Variants in CACHD1 observed in about 807,000 individuals in gnomAD.
CACHD1 encodes the protein cache domain containing 1.
In CACHD1, 71 loss-of-function variants were observed where a neutral mutation model predicts 138.7. The ratio of observed to expected loss-of-function variants is 0.51; its 90% confidence interval spans 0.42 to 0.62. CACHD1 has a LOEUF of 0.62. Ranked by LOEUF, CACHD1 falls within the 20% of genes least tolerant of loss-of-function variation. The pLI is 0.00. For missense variants in CACHD1, 1,389 were observed against 1,625.3 expected (o/e 0.85, Z 2.50); for synonymous variants, 578 against 591.5 (o/e 0.98, Z 0.33).
intron 9 of CACHD1, among the ~76,000 whole-genome samples, chr1:64,648,658 C>T (rs1648989328): frequency 6.6e-6 from 1 of 151,926 alleles, no homozygotes; most frequent in African/African-American, 2.4e-5. Context: ...TGTATTTTAC[C>T]TTTGTTGTTA....
intron 4 of CACHD1, among the ~76,000 whole-genome samples, chr1:64,609,528 C>T (rs1215023266): frequency 6.6e-6 from 1 of 152,152 alleles, no homozygotes; most frequent in Non-Finnish European, 1.5e-5. Flanking sequence ...TCTTTACCTG[C>T]TTCCCCCTTC....
chr1:64,559,825 A>AATAG (rs1389247470), intron 2 of CACHD1, among the ~76,000 whole-genome samples: 1 of 152,140 alleles, frequency 6.6e-6, no homozygotes, highest in East Asian at 1.9e-4. Context: ...CAGTTTCTTT[A>AATAG]ATAGATATAG....
intron 1 of CACHD1, among the ~76,000 whole-genome samples, chr1:64,535,707 A>G (rs145343938): frequency 1.3e-5 from 2 of 152,250 alleles, no homozygotes; most frequent in East Asian, 3.9e-4. Flanking sequence ...AAATGTCTCC[A>G]TTTGAAACGT....
chr1:64,686,599 T>C (rs979560842), intron 26 of CACHD1, among the ~76,000 whole-genome samples: 1 of 152,200 alleles, frequency 6.6e-6, no homozygotes. Context: ...CAACTATCTA[T>C]CTGCTTTGCC....
chr1:64,541,385 ATT>A (rs10709107), intron 1 of CACHD1, among the ~76,000 whole-genome samples: 1 of 152,164 alleles, frequency 6.6e-6, no homozygotes, highest in Non-Finnish European at 1.5e-5. Context: ...TCAGATACAG[ATT>A]TTTTTCCCTT....
Position 64,641,983 on chromosome 1 carries a change from C to T in CACHD1, c.1156+14C>T. On this transcript the variant is annotated intron_variant, in intron 8 of 26. Transcript: ENST00000651257. The stretch of plus-strand genomic sequence containing the variant: ...CCCTCATGAACGGTAGGTAGAGTTT[C>T]AAGATATTCCTTTCAGATCAAAGAT... The T allele has an allele frequency of 6.5e-7, 1 of 1,535,244 alleles. No individual in the cohort carries two copies. The highest frequency in any genetic ancestry group is 2.4e-5 in the East Asian group (1 of 41,428).
chr1:64,527,263 A>G (rs1646548218), intron 1 of CACHD1, among the ~76,000 whole-genome samples: 1 of 152,212 alleles, frequency 6.6e-6, no homozygotes, highest in Admixed American at 6.5e-5. Flanking sequence ...AGGACACCCC[A>G]GATCATTCAG....
intron 24 of CACHD1, among the ~76,000 whole-genome samples, chr1:64,680,487 GA>G (rs111606474): frequency 0.036 from 5,178 of 142,208 alleles, 245 homozygotes; most frequent in African/African-American, 0.12. Flanking sequence ...GACTCCATCT[GA>G]AAAAAAAAAA....
At chr1:64,476,417 C>T (rs1442934288) in intron 1 of CACHD1, among the ~76,000 whole-genome samples, 4 of 152,148 alleles carry the variant, frequency 2.6e-5, no homozygotes, top group Non-Finnish European at 4.4e-5. Context: ...CATAACAGGA[C>T]AGGGCTGGTT....
chr1:64,689,244 C>T (rs1204735052), intron 26 of CACHD1, among the ~76,000 whole-genome samples: 1 of 152,228 alleles, frequency 6.6e-6, no homozygotes, highest in African/African-American at 2.4e-5. Flanking sequence ...GACATCTCCA[C>T]ATATGTGACC....
chr1:64,519,200 A>G (rs933132145), intron 1 of CACHD1, among the ~76,000 whole-genome samples: 2 of 152,178 alleles, frequency 1.3e-5, no homozygotes, highest in African/African-American at 4.8e-5. Flanking sequence ...AATCTCTGGG[A>G]GACAGTAATA....
intron 16 of CACHD1, among the ~76,000 whole-genome samples, chr1:64,670,004 T>C (rs971288402): frequency 3.3e-5 from 5 of 152,232 alleles, no homozygotes; most frequent in Non-Finnish European, 7.3e-5. Context: ...ATTTATAAAA[T>C]GGGAACTATG....
chr1:64,534,112 T>C (rs574228093), intron 1 of CACHD1, among the ~76,000 whole-genome samples: 6 of 150,924 alleles, frequency 4.0e-5, no homozygotes, highest in African/African-American at 1.2e-4. Flanking sequence ...GGCATGTTCT[T>C]GGCTCACTGC....
At chr1:64,558,569 A>T (rs1270245351) in intron 2 of CACHD1, among the ~76,000 whole-genome samples, 1 of 152,228 alleles carries the variant, frequency 6.6e-6, no homozygotes, top group Admixed American at 6.5e-5. Flanking sequence ...AGCAATAACC[A>T]TCCTGGACAT....
chr1:64,605,725 G>A (rs1393253499), intron 4 of CACHD1, among the ~76,000 whole-genome samples: 5 of 152,192 alleles, frequency 3.3e-5, no homozygotes, highest in Admixed American at 1.3e-4. Context: ...AGATCTTGGA[G>A]GATCTGGAGG....
intron 8 of CACHD1, among the ~76,000 whole-genome samples, chr1:64,647,178 T>A (rs1177876949): frequency 6.6e-6 from 1 of 151,668 alleles, no homozygotes; most frequent in Non-Finnish European, 1.5e-5. Flanking sequence ...ACCCTCTAAA[T>A]GTAAAAAAAT....
chr1:64,532,506 G>T (rs1469026502), intron 1 of CACHD1, among the ~76,000 whole-genome samples: 1 of 152,124 alleles, frequency 6.6e-6, no homozygotes, highest in Admixed American at 6.5e-5. Context: ...ATCCCAAGGA[G>T]ATGTGTTTCA....
intron 4 of CACHD1, among the ~76,000 whole-genome samples, 187 bp downstream of exon 4, chr1:64,603,099 CTTTTTTTTTTTTT>C (rs34372401): frequency 4.6e-5 from 3 of 64,940 alleles, no homozygotes; most frequent in Non-Finnish European, 8.9e-5. Flanking sequence ...AAGCTTACAT[CTTTTTTTTTTTTT>C]TTTTTTTTTT....
At chr1:64,663,891 G>A (rs940416527) in intron 14 of CACHD1, 54 bp downstream of exon 14, 25 of 1,608,248 alleles carry the variant, frequency 1.6e-5, no homozygotes, top group East Asian at 1.3e-4. Flanking sequence ...AGGCCCAGCA[G>A]GGGGTGCTGG....
Sources: gnomAD v4.1 joint callset for allele counts (sites outside exome capture counted in the v4.1 genomes callset) on GRCh38, gnomAD v4.1.1 for gene constraint, MANE v1.5 for transcripts, NCBI Gene and HGNC (gene_info 2026-07-23, HGNC 2026-07-21) for gene names.